Variants in SLC39A10 observed in about 807,000 individuals in gnomAD.
The protein encoded by SLC39A10 is zinc transporter ZIP10.
A neutral mutation model predicts 65.1 loss-of-function variants in SLC39A10; 13 were observed. That is an observed-to-expected ratio of 0.20 (90% CI 0.13 to 0.32). The LOEUF is 0.32. SLC39A10 is among the 10% of genes least tolerant of loss of function. The pLI, the probability that SLC39A10 is intolerant of heterozygous loss-of-function variation, is 1.00. For missense variants in SLC39A10, 831 were observed against 1,018.4 expected (o/e 0.82, Z 2.50); for synonymous variants, 321 against 342.2 (o/e 0.94, Z 0.68).
At chr2:195,725,899 G>C (rs1692219056) in intron 8 of SLC39A10, among the ~76,000 whole-genome samples, 1 of 152,110 alleles carries the variant, frequency 6.6e-6, no homozygotes. Flanking sequence ...TTCTGGTAAA[G>C]GCAAAATTAC....
At chr2:195,701,337 CTT>C (rs35540908) in intron 3 of SLC39A10, among the ~76,000 whole-genome samples, 2,898 of 105,904 alleles carry the variant, frequency 0.027, 50 homozygotes, top group Non-Finnish European at 0.039. Context: ...ATCTTCTTGA[CTT>C]TTTTTTTTTT....
intron 2 of SLC39A10, among the ~76,000 whole-genome samples, chr2:195,625,044 C>T (rs900769328): frequency 6.7e-6 from 1 of 150,164 alleles, no homozygotes; most frequent in South Asian, 2.1e-4. Context: ...TGGTGAAAAC[C>T]CATCTCTACT....
rs1304496324 is a variant in SLC39A10 at position 195,680,056 on chromosome 2, T to G, written c.14T>G (p.Met5Arg). The G allele has an allele frequency of 1.2e-6, 2 of 1,602,384 alleles. No individual in the cohort carries two copies. The highest frequency in any genetic ancestry group is 2.2e-5 in the East Asian group (1 of 44,822). The change falls in exon 2 of 10, where the codon ATG (methionine) becomes AGG (arginine). Residue 5 changes from methionine (M) to arginine (R), a missense_variant. By Grantham distance (91) the Met-to-Arg change is moderately conservative. Coordinates refer to ENST00000359634, the MANE Select transcript of SLC39A10 (RefSeq NM_020342.3). ...GGAAAAATAGAAATGAAGGTACATA[T>G]GCACACAAAATTTTGCCTCATTTGT... Reference protein sequence around the residue: MKVHMHTKFCLICLL... With the variant: MKVHRHTKFCLICLL...
At chr2:195,709,221 A>T (rs1691518076) in intron 5 of SLC39A10, among the ~76,000 whole-genome samples, 1 of 151,426 alleles carries the variant, frequency 6.6e-6, no homozygotes, top group African/African-American at 2.4e-5. Flanking sequence ...GTATGTATGT[A>T]TGTATGTATG....
At chr2:195,676,809 A>T (rs931347613) in intron 1 of SLC39A10, among the ~76,000 whole-genome samples, 6 of 152,242 alleles carry the variant, frequency 3.9e-5, no homozygotes, top group African/African-American at 1.4e-4. Flanking sequence ...CACCAAAACT[A>T]AACAGCTACC....
intron 4 of SLC39A10, among the ~76,000 whole-genome samples, chr2:195,708,179 C>A (rs1691475924): frequency 6.6e-6 from 1 of 151,996 alleles, no homozygotes; most frequent in Non-Finnish European, 1.5e-5. Flanking sequence ...TGTAACAAAC[C>A]TGCACTTGTA....
chr2:195,687,613 T>C (rs956658670), intron 3 of SLC39A10, among the ~76,000 whole-genome samples: 8 of 152,236 alleles, frequency 5.3e-5, no homozygotes, highest in African/African-American at 1.9e-4. Flanking sequence ...CTTGAATTAA[T>C]TATGTGCTGA....
intron 4 of SLC39A10, among the ~76,000 whole-genome samples, chr2:195,707,546 G>T (rs1232237676): frequency 6.6e-6 from 1 of 151,024 alleles, no homozygotes; most frequent in Non-Finnish European, 1.5e-5. Flanking sequence ...CTGCACTCTT[G>T]GTTGAGAATT....
upstream of SLC39A10, chr2:195,656,846 C>T (rs1251323611): frequency 3.9e-5 from 6 of 152,236 alleles, no homozygotes; most frequent in Non-Finnish European, 7.3e-5. Flanking sequence ...GTTCGAAAGC[C>T]AGGAGAAAAG....
chr2:195,657,479 G>T, intron 1 of SLC39A10, 198 bp downstream of exon 1: 1 of 985,708 alleles, frequency 1.0e-6, no homozygotes. Context: ...GAAGCAGAGC[G>T]CGTGGTGGGC....
intron 2 of SLC39A10, among the ~76,000 whole-genome samples, chr2:195,633,744 C>T (rs560679664): frequency 2.6e-5 from 4 of 152,270 alleles, no homozygotes; most frequent in South Asian, 2.1e-4. Flanking sequence ...TCTGAAGTCC[C>T]GCTGTCGAGC....
rs549278832 is a variant in SLC39A10, at chr2:195,642,098, GT to G, written c.-12+35867del. Among the ~76,000 whole-genome samples, 208 of 152,234 alleles carry G rather than the reference GT, an allele frequency of 1.4e-3. 1 individual carries two copies. Among genetic ancestry groups the G allele is most frequent in the Admixed American group, 0.012 (188 of 15,294 alleles). Reference sequence around the variant, plus strand: ...GTCAGCGAAATTGTTTAACCCGAGGGTTATGGGAAGCTGTGAAAGGTCTATG... The same window carrying G: ...GTCAGCGAAATTGTTTAACCCGAGGGTATGGGAAGCTGTGAAAGGTCTATG... On this transcript the variant is annotated intron_variant, in intron 2 of 2. Transcript: ENST00000458054.
At chr2:195,659,800 A>G (rs554277535) in intron 1 of SLC39A10, among the ~76,000 whole-genome samples, 1 of 152,230 alleles carries the variant, frequency 6.6e-6, no homozygotes, top group East Asian at 1.9e-4. Flanking sequence ...CCTTTTTTCT[A>G]CATACAGATG....
intron 2 of SLC39A10, among the ~76,000 whole-genome samples, chr2:195,618,353 CAA>C (rs34831034): frequency 2.4e-4 from 25 of 103,846 alleles, no homozygotes; most frequent in Admixed American, 2.9e-4. Flanking sequence ...TCCGTCTCAC[CAA>C]AAAAAAAAAA....
chr2:195,646,337 C>A (rs1315098585), intron 2 of SLC39A10, among the ~76,000 whole-genome samples: 1 of 152,202 alleles, frequency 6.6e-6, no homozygotes, highest in Non-Finnish European at 1.5e-5. Context: ...TCAACAATTT[C>A]TCTTTATCCA....
upstream of SLC39A10, among the ~76,000 whole-genome samples, chr2:195,653,230 C>T (rs192810017): frequency 2.0e-5 from 3 of 151,890 alleles, no homozygotes; most frequent in African/African-American, 7.2e-5. Context: ...ATCATTGCTA[C>T]AAAAAGTCTC....
At chr2:195,730,865 A>G (rs1331596294) in intron 9 of SLC39A10, among the ~76,000 whole-genome samples, 1 of 152,144 alleles carries the variant, frequency 6.6e-6, no homozygotes, top group Non-Finnish European at 1.5e-5. Flanking sequence ...TAGTTGCTCA[A>G]AAAGCTTGAG....
chr2:195,680,034 A>G lies in SLC39A10; in HGVS notation c.-9A>G, dbSNP rs778211058. ...TCTCTCTCTTTAAATCTCTTTAGGA[A>G]AAATAGAAATGAAGGTACATATGCA... On this transcript the variant is annotated splice_region_variant and 5_prime_UTR_variant, in exon 2 of 10. Transcript: ENST00000359634. The G allele has an allele frequency of 5.7e-6, 9 of 1,571,746 alleles. No individual in the cohort carries two copies. In the South Asian group the frequency reaches 1.1e-4, roughly 19 times the overall value.
intron 3 of SLC39A10, among the ~76,000 whole-genome samples, chr2:195,693,219 G>A (rs1012491035): frequency 7.2e-5 from 11 of 152,166 alleles, no homozygotes; most frequent in African/African-American, 2.7e-4. Context: ...TGTTGGAGTT[G>A]GTTCACTAGT....
Sources: allele counts gnomAD v4.1 joint callset (sites outside exome capture counted in the v4.1 genomes callset), GRCh38; gene constraint gnomAD v4.1.1; transcripts MANE v1.5; gene names NCBI Gene and HGNC (gene_info 2026-07-23, HGNC 2026-07-21).